NPHP4: variants seen among roughly 807,000 people sequenced by gnomAD.
The protein encoded by NPHP4 is nephrocystin 4, also known as nephrocystin-4.
A neutral mutation model predicts 155.8 loss-of-function variants in NPHP4; 151 were observed. The observed-to-expected ratio is 0.97, with a 90% CI of 0.85 to 1.11. The LOEUF is 1.11. Ranked by LOEUF, NPHP4 falls within the 50% of genes least tolerant of loss-of-function variation. The pLI is 0.00. For missense variants in NPHP4, 1,956 were observed against 1,925.7 expected, an observed-to-expected ratio of 1.02 and a Z score of -0.29; for synonymous variants, 845 against 816.8, an observed-to-expected ratio of 1.03 and a Z score of -0.59.
At chr1:5,917,205 G>A (rs1009006632) in intron 11 of NPHP4, among the ~76,000 whole-genome samples, 1 of 152,114 alleles carries the variant, frequency 6.6e-6, no homozygotes, top group Non-Finnish European at 1.5e-5. Flanking sequence ...AAGGGTGTGT[G>A]ACCAAGGCCA....
At chr1:5,922,018 G>C (rs909388358) in intron 11 of NPHP4, among the ~76,000 whole-genome samples, 3 of 152,206 alleles carry the variant, frequency 2.0e-5, no homozygotes, top group African/African-American at 4.8e-5. Flanking sequence ...CCTGAGATGG[G>C]GGGATGACCC....
intron 12 of NPHP4, among the ~76,000 whole-genome samples, chr1:5,907,655 G>A (rs1015258563): frequency 3.3e-5 from 5 of 152,066 alleles, no homozygotes; most frequent in Non-Finnish European, 5.9e-5. Context: ...TGGCCAGCGC[G>A]GGCTCTGGAG....
At chr1:5,904,590 GC>G (rs756024709) in intron 16 of NPHP4, 26 bp downstream of exon 16, 1 of 1,551,934 alleles carries the variant, frequency 6.4e-7, no homozygotes, top group South Asian at 1.2e-5. Context: ...AGAATGTCTT[GC>G]CTTTGCCATG....
chr1:5,903,948 T>C (rs1385781343), intron 16 of NPHP4, among the ~76,000 whole-genome samples: 1 of 152,162 alleles, frequency 6.6e-6, no homozygotes, highest in Non-Finnish European at 1.5e-5. Flanking sequence ...CAAAGAACTC[T>C]TGCCAAAAAC....
intron 5 of NPHP4, among the ~76,000 whole-genome samples, chr1:5,964,897 A>T (rs1651067046): frequency 7.2e-6 from 1 of 139,150 alleles, no homozygotes; most frequent in Non-Finnish European, 1.5e-5. Context: ...ACTATATATA[A>T]AATATATAAT....
intron 1 of NPHP4, among the ~76,000 whole-genome samples, chr1:5,990,753 AG>A (rs1373104516): frequency 1.3e-5 from 2 of 152,218 alleles, no homozygotes; most frequent in African/African-American, 4.8e-5. Flanking sequence ...AGAGGCCCAG[AG>A]GGAAAAAGTA....
At chr1:5,956,660 C>G (rs2102056164) in intron 6 of NPHP4, among the ~76,000 whole-genome samples, 1 of 152,308 alleles carries the variant, frequency 6.6e-6, no homozygotes, top group East Asian at 1.9e-4. Flanking sequence ...GGGCCCGGTG[C>G]TGAGTGTTGC....
intron 16 of NPHP4, among the ~76,000 whole-genome samples, chr1:5,896,300 C>T (rs1644393366): frequency 6.6e-6 from 1 of 152,102 alleles, no homozygotes; most frequent in African/African-American, 2.4e-5. Flanking sequence ...GGAAAGCAAA[C>T]ATAAAAGTGA....
intron 5 of NPHP4, 120 bp from the exon 6 acceptor site, chr1:5,962,069 G>A: frequency 1.5e-6 from 1 of 673,404 alleles, no homozygotes; most frequent in Non-Finnish European, 2.5e-6. Flanking sequence ...CTTTTCTAGG[G>A]AGAGTGAAGT....
chr1:5,905,096 T>G lies in NPHP4; in HGVS notation c.1955+196A>C, dbSNP rs1158185616. On this transcript the variant is annotated intron_variant, in intron 15 of 29. Coordinates refer to ENST00000378156, the MANE Select transcript of NPHP4 (RefSeq NM_015102.5). The surrounding 1 kb of genome is among the most constrained non-coding windows in gnomAD (Gnocchi z 4.0). ...CATTTTAATGAAGGACCACAAAAGA[T>G]GGGGTAAAGCAGCTTTCACAGCATT... is the stretch of plus-strand genomic sequence containing the variant. Among the ~76,000 whole-genome samples the G allele has an allele frequency of 6.6e-6, 1 of 152,078 alleles. No homozygotes were observed. Among genetic ancestry groups the G allele is most frequent in the Non-Finnish European group, 1.5e-5 (1 of 67,994 alleles).
At position 5,933,273 on chromosome 1, in the gene NPHP4, A is replaced by T; in HGVS notation, c.1176T>A (p.Ala392=). ...NLACMHMVRW[A]VWNPLLEADS... is the part of the protein sequence containing the mutation. ...CAGCTTCCAGCAAGGGGTTCCAAAC[A>T]GCCCAGCGGACCATGTGCATGCATG... Residue 392 remains alanine, a synonymous_variant, in exon 10 of 30, where the codon GCT becomes GCA. Coordinates refer to ENST00000378156, the MANE Select transcript of NPHP4 (RefSeq NM_015102.5). 1 of 1,613,790 alleles carries T rather than the reference A, an allele frequency of 6.2e-7. No individual in the cohort carries two copies.
intron 6 of NPHP4, among the ~76,000 whole-genome samples, chr1:5,957,126 T>C (rs1316470977): frequency 3.9e-5 from 6 of 152,218 alleles, no homozygotes; most frequent in Admixed American, 2.6e-4. Context: ...CTGCCCTTCA[T>C]GCTCTGTAGC....
intron 23 of NPHP4, among the ~76,000 whole-genome samples, chr1:5,871,734 C>T (rs1642025163): frequency 6.6e-6 from 1 of 152,186 alleles, no homozygotes; most frequent in Non-Finnish European, 1.5e-5. Context: ...GTGGTCTGCC[C>T]ACTGAGCAAC....
chr1:5,880,181 C>T lies in NPHP4; in HGVS notation c.2544G>A (p.Arg848=), dbSNP rs367679777. ...GGCTGGCTCCATCGTTTGAGATGAC[C>T]CGAGATCTGGACGGTGGCAATGTGC... ...GCSTLPPSRS[R]VISNDGASRF... is the part of the protein sequence containing the mutation. The change falls in exon 19 of 30, where the codon CGG becomes CGA. Residue 848 remains arginine, a synonymous_variant. Coordinates refer to ENST00000378156, the MANE Select transcript of NPHP4 (RefSeq NM_015102.5). The T allele has an allele frequency of 1.9e-6, 3 of 1,613,556 alleles. No homozygotes were observed. Among genetic ancestry groups the T allele is most frequent in the African/African-American group, 1.3e-5 (1 of 74,890 alleles).
At position 5,933,591 on chromosome 1, in the gene NPHP4, T is replaced by C. The variant is rs1646389224; in HGVS notation, c.1120-262A>G. ...CCCCTGCCCACCCATGAGTCTCCTT[T>C]TCTGGCCCAAGGTAGTGATGGCTTC... On this transcript the variant is annotated intron_variant, in intron 9 of 29. Transcript: ENST00000378156. Among the ~76,000 whole-genome samples, 3 of 152,142 alleles carry C rather than the reference T, an allele frequency of 2.0e-5. No individual in the cohort carries two copies. The South Asian group carries it at 6.2e-4, about 31-fold the overall frequency.
chr1:5,964,045 T>C (rs35357995), intron 5 of NPHP4, among the ~76,000 whole-genome samples: 26,193 of 152,116 alleles, frequency 0.17, 2,359 homozygotes, highest in African/African-American at 0.22. Context: ...CAATCAATCA[T>C]GAAACATCAA....
intron 6 of NPHP4, among the ~76,000 whole-genome samples, chr1:5,961,503 T>C (rs757632347): frequency 6.6e-6 from 1 of 152,242 alleles, no homozygotes; most frequent in Non-Finnish European, 1.5e-5. Flanking sequence ...GTGGTCTTCC[T>C]AGCTATGGTC....
rs1644834829 is a variant in NPHP4 at position 5,904,785 on chromosome 1, C to T, written c.1975G>A (p.Gly659Arg). The T allele has an allele frequency of 6.2e-7, 1 of 1,613,982 alleles. No individual in the cohort carries two copies. Among genetic ancestry groups the T allele is most frequent in the Non-Finnish European group, 8.5e-7 (1 of 1,179,890 alleles). Residue 659 changes from glycine (G) to arginine (R), a missense_variant, in exon 16 of 30, where the codon GGA becomes AGA. Gly to Arg is a moderately radical substitution (Grantham distance 125). Transcript: ENST00000378156. ...AFSRVAQDCRGTSWPKTVYFT... is the reference protein window; with the variant it reads ...AFSRVAQDCRRTSWPKTVYFT... ...TACACAGTCTTTGGCCATGATGTTCCTCGGCAGTCCTGGGCCACTCTGAAT... is the reference window on the plus strand; with the variant it reads ...TACACAGTCTTTGGCCATGATGTTCTTCGGCAGTCCTGGGCCACTCTGAAT...
intron 7 of NPHP4, among the ~76,000 whole-genome samples, chr1:5,948,960 A>G (rs1207639994): frequency 6.6e-6 from 1 of 152,226 alleles, no homozygotes; most frequent in African/African-American, 2.4e-5. Flanking sequence ...TGATCCTCAA[A>G]TTTTCAAGTT....
Sources: allele counts gnomAD v4.1 joint callset (sites outside exome capture counted in the v4.1 genomes callset), GRCh38; gene constraint gnomAD v4.1.1; non-coding constraint Gnocchi (gnomAD v3.1); transcripts MANE v1.5; gene names NCBI Gene and HGNC (gene_info 2026-07-23, HGNC 2026-07-21).